The following GRIN2A variants were observed in gnomAD, a reference collection of about 807,000 sequenced individuals.
GRIN2A encodes glutamate receptor ionotropic, NMDA 2A.
A neutral mutation model predicts 113.4 loss-of-function variants in GRIN2A; 22 were observed. The observed-to-expected ratio is 0.19, with a 90% confidence interval of 0.14 to 0.28. The LOEUF is 0.28. Ranked by LOEUF, GRIN2A falls within the 10% of genes least tolerant of loss-of-function variation. The pLI, the probability that GRIN2A is intolerant of heterozygous loss-of-function variation, is 1.00. For missense variants in GRIN2A, 1,502 were observed against 1,887.0 expected, an observed-to-expected ratio of 0.80 and a Z score of 3.78; for synonymous variants, 827 against 738.4, an observed-to-expected ratio of 1.12 and a Z score of -1.94.
chr16:9,769,900 AG>A (rs989841692), intron 11 of GRIN2A, among the ~76,000 whole-genome samples: 1 of 152,180 alleles, frequency 6.6e-6, no homozygotes, highest in Admixed American at 6.5e-5. Flanking sequence ...ACACATGAGC[AG>A]CATACTTAGG....
intron 2 of GRIN2A, among the ~76,000 whole-genome samples, chr16:10,043,427 A>C (rs1019154773): frequency 2.6e-5 from 4 of 152,132 alleles, no homozygotes; most frequent in African/African-American, 9.7e-5. Flanking sequence ...CCAAACTTTA[A>C]ATGCTCACTC....
chr16:9,996,057 G>C (rs1191062333), intron 2 of GRIN2A, among the ~76,000 whole-genome samples: 3 of 114,272 alleles, frequency 2.6e-5, no homozygotes, highest in Non-Finnish European at 5.4e-5. Context: ...AAAAAAGAAA[G>C]AAAGAAGTAA....
intron 4 of GRIN2A, among the ~76,000 whole-genome samples, chr16:9,862,346 C>A (rs2043084626): frequency 6.6e-6 from 1 of 152,158 alleles, no homozygotes; most frequent in Non-Finnish European, 1.5e-5. Context: ...GTAATAACTG[C>A]TCTCAAGATA....
At chr16:9,942,719 T>C (rs2044913499) in intron 2 of GRIN2A, among the ~76,000 whole-genome samples, 1 of 152,174 alleles carries the variant, frequency 6.6e-6, no homozygotes, top group South Asian at 2.1e-4. Flanking sequence ...CCAAGGAGCC[T>C]GTATAATGCA....
intron 4 of GRIN2A, among the ~76,000 whole-genome samples, chr16:9,852,923 A>G (rs983803569): frequency 6.6e-6 from 1 of 152,224 alleles, no homozygotes; most frequent in Non-Finnish European, 1.5e-5. Flanking sequence ...CTGTAATGGA[A>G]GTGATAAAAT....
intron 2 of GRIN2A, among the ~76,000 whole-genome samples, chr16:10,071,300 A>G (rs2047745703): frequency 6.6e-6 from 1 of 152,202 alleles, no homozygotes; most frequent in Non-Finnish European, 1.5e-5. Context: ...TATTGGTTCT[A>G]GAAGAATGTG....
At chr16:9,897,081 T>C (rs1479286988) in intron 3 of GRIN2A, among the ~76,000 whole-genome samples, 1 of 152,090 alleles carries the variant, frequency 6.6e-6, no homozygotes, top group East Asian at 1.9e-4. Context: ...TGCTGGCAAA[T>C]AGAGAAGGGG....
intron 2 of GRIN2A, among the ~76,000 whole-genome samples, chr16:10,010,912 C>G (rs1452010917): frequency 6.6e-6 from 1 of 152,210 alleles, no homozygotes; most frequent in African/African-American, 2.4e-5. Context: ...TCCTCCACCC[C>G]ACCCTTCACC....
intron 12 of GRIN2A, among the ~76,000 whole-genome samples, chr16:9,768,347 C>A (rs1028661072): frequency 6.6e-6 from 1 of 152,126 alleles, no homozygotes; most frequent in Non-Finnish European, 1.5e-5. Context: ...CCACCGTGCC[C>A]GGCCAAAAAA....
chr16:9,885,905 G>A (rs980189613), intron 4 of GRIN2A, among the ~76,000 whole-genome samples: 1 of 152,226 alleles, frequency 6.6e-6, no homozygotes, highest in African/African-American at 2.4e-5. Flanking sequence ...AATTCCCAAA[G>A]CTGCCTTTTA....
chr16:9,880,434 T>A (rs1484523096), intron 4 of GRIN2A, among the ~76,000 whole-genome samples: 2 of 152,222 alleles, frequency 1.3e-5, no homozygotes, highest in Non-Finnish European at 2.9e-5. Context: ...ACCTAATAGC[T>A]GCACAAAACT....
intron 2 of GRIN2A, among the ~76,000 whole-genome samples, chr16:10,157,128 G>A (rs2142312498): frequency 6.6e-6 from 1 of 152,276 alleles, no homozygotes; most frequent in Middle Eastern, 3.4e-3. Context: ...GTATAAGCAG[G>A]AAACTCAGAA....
intron 3 of GRIN2A, among the ~76,000 whole-genome samples, chr16:9,904,535 C>T (rs1296665307): frequency 6.6e-6 from 1 of 152,086 alleles, no homozygotes; most frequent in Non-Finnish European, 1.5e-5. Context: ...CCAAGCCCAG[C>T]TAATTTTTTG....
intron 2 of GRIN2A, among the ~76,000 whole-genome samples, chr16:9,973,588 T>C (rs1398511968): frequency 6.6e-6 from 1 of 151,994 alleles, no homozygotes; most frequent in Non-Finnish European, 1.5e-5. Context: ...GAACCCCAAA[T>C]AGGACAAATG....
rs117868507 is a variant in GRIN2A, at chr16:9,772,285, C to T, written c.2357-3196G>A. Among the ~76,000 whole-genome samples the T allele has an allele frequency of 4.1e-3, 632 of 152,324 alleles. 1 individual carries two copies. The highest frequency in any genetic ancestry group is 7.2e-3 in the Admixed American group (110 of 15,306). On this transcript the variant is annotated intron_variant, in intron 11 of 12. Coordinates refer to ENST00000330684, the MANE Select transcript of GRIN2A (RefSeq NM_001134407.3). ...GCCCACCATGTACCTCAGACCTGCA[C>T]GGCTGCTTCCTCTTCTCACAAAAAC...
chr16:9,941,514 C>T (rs1216482258), intron 2 of GRIN2A, among the ~76,000 whole-genome samples: 1 of 152,218 alleles, frequency 6.6e-6, no homozygotes, highest in East Asian at 1.9e-4. Context: ...TGTGCTGTCT[C>T]CACCCCCTGT....
chr16:9,930,615 C>G (rs1323622338), intron 3 of GRIN2A, among the ~76,000 whole-genome samples: 1 of 152,190 alleles, frequency 6.6e-6, no homozygotes, highest in Non-Finnish European at 1.5e-5. Context: ...GTTTGTTGAG[C>G]ATATGGTGAT....
At chr16:9,807,379 GGGGAGGGAGAGA>G (rs2042001252) in intron 10 of GRIN2A, among the ~76,000 whole-genome samples, 1 of 77,092 alleles carries the variant, frequency 1.3e-5, no homozygotes, top group Non-Finnish European at 2.6e-5. Context: ...GGAGGGAGAG[GGGGAGGGAGAGA>G]GGGAGGGAGG....
chr16:9,874,075 G>T (rs1003277147), intron 4 of GRIN2A, among the ~76,000 whole-genome samples: 2 of 152,092 alleles, frequency 1.3e-5, no homozygotes, highest in Non-Finnish European at 2.9e-5. Context: ...TTTCTCATGG[G>T]CATTTCCAAC....
Sources: gnomAD v4.1 joint callset for allele counts (sites outside exome capture counted in the v4.1 genomes callset) on GRCh38, gnomAD v4.1.1 for gene constraint, MANE v1.5 for transcripts, NCBI Gene and HGNC (gene_info 2026-07-23, HGNC 2026-07-21) for gene names.